RAB19: variants seen among roughly 807,000 people sequenced by gnomAD.
RAB19 encodes the protein RAB19, member RAS oncogene family.
In RAB19, 21 loss-of-function variants were observed where a neutral mutation model predicts 17.3. The observed-to-expected ratio is 1.21, with a 90% CI of 0.86 to 1.74. RAB19 has a LOEUF of 1.74. Among genes scored for constraint, RAB19 ranks in the 40% most tolerant of loss-of-function variants. The probability of loss-of-function intolerance (pLI) is 0.00; values close to 1 mark genes in which losing one functional copy is unlikely to be tolerated. For synonymous variants in RAB19, 126 were observed against 110.4 expected (o/e 1.14, Z -0.88); for missense variants, 277 against 286.8 (o/e 0.97, Z 0.25).
At chr7:140,425,119 C>T (rs1349741315) in intron 3 of RAB19, among the ~76,000 whole-genome samples, 5 of 151,930 alleles carry the variant, frequency 3.3e-5, no homozygotes, top group Admixed American at 1.3e-4. Flanking sequence ...AACCCTGTCT[C>T]TACTAAAAAT....
intron 1 of RAB19, among the ~76,000 whole-genome samples, chr7:140,406,617 C>T (rs1465226642): frequency 1.3e-5 from 2 of 149,008 alleles, no homozygotes; most frequent in Non-Finnish European, 3.0e-5. Context: ...CCAGCCTGGG[C>T]GACACAGCGA....
At chr7:140,425,112 C>G (rs1267222810) in intron 3 of RAB19, among the ~76,000 whole-genome samples, 1 of 151,344 alleles carries the variant, frequency 6.6e-6, no homozygotes, top group Non-Finnish European at 1.5e-5. Context: ...ATGGTGAAAC[C>G]CTGTCTCTAC....
At chr7:140,410,944 G>A (rs754631417) in intron 2 of RAB19, 1 of 1,367,818 alleles carries the variant, frequency 7.3e-7, no homozygotes, top group African/African-American at 1.5e-5. Flanking sequence ...TTCCAAACAT[G>A]AACAGCTTGA....
At chr7:140,418,545 C>T (rs1221174144) in intron 3 of RAB19, among the ~76,000 whole-genome samples, 3 of 150,874 alleles carry the variant, frequency 2.0e-5, no homozygotes, top group Middle Eastern at 6.9e-3. Flanking sequence ...CACTGCACTC[C>T]AGCCTGGGTG....
At chr7:140,407,943 C>A in intron 2 of RAB19, 96 bp downstream of exon 2, 2 of 952,980 alleles carry the variant, frequency 2.1e-6, no homozygotes, top group Non-Finnish European at 3.0e-6. Flanking sequence ...CGGCTCACTG[C>A]AAGCTCCGCC....
rs2130174929 is a variant in RAB19, at chr7:140,425,946, G to A, written c.450G>A (p.Glu150=). 1 of 1,614,198 alleles carries A rather than the reference G, an allele frequency of 6.2e-7. No homozygotes were observed. Among genetic ancestry groups the A allele is most frequent in the African/African-American group, 1.3e-5 (1 of 75,060 alleles). The change falls in exon 4 of 4, where the codon GAG becomes GAA. Residue 150 remains glutamate, a synonymous_variant. Coordinates refer to ENST00000537763, the MANE Select transcript of RAB19 (RefSeq NM_001008749.3). ...VLFEDACTLA[E]KYGLLAVLET... is the part of the protein sequence containing the mutation. ...TCGAGGATGCCTGCACACTGGCTGA[G>A]AAGTACGGCCTCCTGGCCGTTTTGG...
At chr7:140,415,777 C>CGG (rs768711009) in intron 3 of RAB19, among the ~76,000 whole-genome samples, 71,638 of 150,882 alleles carry the variant, frequency 0.47, 18,037 homozygotes, top group Non-Finnish European at 0.57. Flanking sequence ...TGGTGGTGCA[C>CGG]GCCTGGAGTC....
At chr7:140,412,857 G>C (rs559877606) in intron 3 of RAB19, among the ~76,000 whole-genome samples, 1 of 151,868 alleles carries the variant, frequency 6.6e-6, no homozygotes, top group African/African-American at 2.4e-5. Flanking sequence ...GGGGCGTGGT[G>C]GTTCATGCCT....
Position 140,416,814 on chromosome 7 carries a change from C to T in RAB19, c.385+4757C>T, listed in dbSNP as rs948154399. 1.3e-4 allele frequency among the ~76,000 whole-genome samples: 20 copies of T among 152,012 alleles called. 1 individual carries two copies. The highest frequency in any genetic ancestry group is 4.6e-4 in the Admixed American group (7 of 15,234). On this transcript the variant is annotated intron_variant, in intron 3 of 3. Transcript: ENST00000537763. ...TCATAAAAGTTAGAATCCAGCTGGGCGCCGTGGCTCACACCTATAAATCCC... is the reference window on the plus strand; with the variant it reads ...TCATAAAAGTTAGAATCCAGCTGGGTGCCGTGGCTCACACCTATAAATCCC...
intron 2 of RAB19, among the ~76,000 whole-genome samples, chr7:140,411,377 G>C (rs1799358509): frequency 6.6e-6 from 1 of 152,136 alleles, no homozygotes; most frequent in Admixed American, 6.5e-5. Flanking sequence ...GCCAGCCTGG[G>C]CGACAGAGCG....
intron 3 of RAB19, among the ~76,000 whole-genome samples, chr7:140,422,848 CT>C (rs1434969829): frequency 6.6e-6 from 1 of 152,196 alleles, no homozygotes; most frequent in East Asian, 1.9e-4. Context: ...TGGCTCACAC[CT>C]GTAATCCCAG....
chr7:140,412,112 G>A (rs1324844781), intron 3 of RAB19, 55 bp downstream of exon 3: 16 of 1,500,324 alleles, frequency 1.1e-5, no homozygotes, highest in Non-Finnish European at 1.5e-5. Flanking sequence ...AGGATGCTCA[G>A]CTTTCTGCAT....
intron 2 of RAB19, among the ~76,000 whole-genome samples, chr7:140,410,047 C>T (rs1219309028): frequency 6.8e-6 from 1 of 147,652 alleles, no homozygotes; most frequent in Non-Finnish European, 1.5e-5. Flanking sequence ...TTAAAAAATA[C>T]TTCAAAGAAA....
In RAB19 at chr7:140,423,044, G is replaced by T. The variant is rs186020317; in HGVS notation, c.386-2838G>T. Among the ~76,000 whole-genome samples, 647 of 150,982 alleles carry T rather than the reference G, an allele frequency of 4.3e-3. 4 individuals are homozygous for T. Among genetic ancestry groups the T allele is most frequent in the African/African-American group, 0.015 (618 of 41,082 alleles). On this transcript the variant is annotated intron_variant, in intron 3 of 3. Transcript: ENST00000537763. ...AATCTCTTGAAACTGGGAGGCGGAGGTTGCAGTGAGCCAAGATAGCACCAC... is the reference window on the plus strand; with the variant it reads ...AATCTCTTGAAACTGGGAGGCGGAGTTTGCAGTGAGCCAAGATAGCACCAC...
At chr7:140,414,850 C>G (rs1799426989) in intron 3 of RAB19, among the ~76,000 whole-genome samples, 1 of 152,144 alleles carries the variant, frequency 6.6e-6, no homozygotes, top group Non-Finnish European at 1.5e-5. Flanking sequence ...TTGATTTATA[C>G]AGCTGTTCCT....
At chr7:140,410,802 T>C (rs952226033) in intron 2 of RAB19, among the ~76,000 whole-genome samples, 9 of 152,160 alleles carry the variant, frequency 5.9e-5, no homozygotes. Context: ...TTGCAAACTT[T>C]CTCTAAAAAA....
In RAB19 at chr7:140,410,313, CTTTTT is replaced by C. The variant is rs762151021; in HGVS notation, c.202-1541_202-1537del. 5.9e-4 allele frequency among the ~76,000 whole-genome samples: 48 copies of C among 81,040 alleles called. 1 individual carries two copies. The highest frequency in any genetic ancestry group is 1.0e-3 in the Admixed American group (5 of 5,006). 53.2% of individuals were successfully genotyped at this position (81,040 alleles called of 152,430 possible). On this transcript the variant is annotated intron_variant, in intron 2 of 3. Transcript: ENST00000537763. ...ATGCCCAGCTAATTTTTGTATTTTT[CTTTTT>C]TTTTTTTTTTTTTTTTTTTGAGACG...
intron 3 of RAB19, among the ~76,000 whole-genome samples, chr7:140,420,770 G>C (rs1371012409): frequency 1.3e-5 from 2 of 152,094 alleles, no homozygotes; most frequent in Non-Finnish European, 2.9e-5. Flanking sequence ...TCTTGAAGGA[G>C]GCCCCAGCCC....
chr7:140,405,662 G>A (rs1392760409), intron 1 of RAB19, among the ~76,000 whole-genome samples: 1 of 151,968 alleles, frequency 6.6e-6, no homozygotes, highest in Non-Finnish European at 1.5e-5. Flanking sequence ...ACAGGCATGA[G>A]CGACTGCGGC....
Sources: allele counts gnomAD v4.1 joint callset (sites outside exome capture counted in the v4.1 genomes callset), GRCh38; gene constraint gnomAD v4.1.1; transcripts MANE v1.5; gene names NCBI Gene and HGNC (gene_info 2026-07-23, HGNC 2026-07-21).